Variants in FMN1 observed in about 807,000 individuals in gnomAD.
The protein encoded by FMN1 is formin 1.
A neutral mutation model predicts 132.4 loss-of-function variants in FMN1; 110 were observed. The observed-to-expected ratio is 0.83, with a 90% CI of 0.71 to 0.97. The LOEUF is 0.97. Among genes scored for constraint, FMN1 ranks in the 50% least tolerant of loss-of-function variants. FMN1 has a pLI of 0.00. For synonymous variants in FMN1, 722 were observed against 651.7 expected (o/e 1.11, Z -1.64); for missense variants, 1,792 against 1,705.3 (o/e 1.05, Z -0.90).
At chr15:33,036,422 A>G (rs988102637) in intron 6 of FMN1, among the ~76,000 whole-genome samples, 2 of 152,172 alleles carry the variant, frequency 1.3e-5, no homozygotes, top group Non-Finnish European at 2.9e-5. Context: ...ATCACTGTAT[A>G]TTTAATATTT....
chr15:32,828,948 CTT>C (rs892707236), intron 17 of FMN1, among the ~76,000 whole-genome samples: 1 of 152,168 alleles, frequency 6.6e-6, no homozygotes, highest in African/African-American at 2.4e-5. Context: ...AGGCAAAACT[CTT>C]TATCTGCTGG....
chr15:33,048,967 T>C (rs1391431963), intron 6 of FMN1, among the ~76,000 whole-genome samples: 6 of 152,178 alleles, frequency 3.9e-5, no homozygotes, highest in Non-Finnish European at 2.9e-5. Context: ...TAGTAAAAGA[T>C]TAAAAGAAGT....
intron 7 of FMN1, among the ~76,000 whole-genome samples, chr15:32,988,651 C>T (rs1038006852): frequency 6.6e-6 from 1 of 152,204 alleles, no homozygotes; most frequent in African/African-American, 2.4e-5. Context: ...TTCCTGCCTG[C>T]GTGGTCTTGA....
intron 7 of FMN1, among the ~76,000 whole-genome samples, chr15:32,971,247 T>TTGCTAA (rs1301855317): frequency 2.0e-5 from 3 of 152,254 alleles, no homozygotes; most frequent in Non-Finnish European, 2.9e-5. Flanking sequence ...TTAGTTTCTG[T>TTGCTAA]TGCTAATGCT....
chr15:33,095,162 AC>A (rs2039034706), intron 4 of FMN1, among the ~76,000 whole-genome samples: 1 of 152,128 alleles, frequency 6.6e-6, no homozygotes, highest in Admixed American at 6.5e-5. Context: ...AGCCTGGCCA[AC>A]ATGGCAAAAC....
intron 16 of FMN1, among the ~76,000 whole-genome samples, chr15:32,867,061 T>C (rs903194550): frequency 6.6e-6 from 1 of 152,164 alleles, no homozygotes; most frequent in Admixed American, 6.5e-5. Context: ...GTCTCCCAAG[T>C]TTACACAGCT....
intron 20 of FMN1, 99 bp from the exon 21 acceptor site, chr15:32,774,453 T>G: frequency 1.1e-6 from 1 of 915,530 alleles, no homozygotes; most frequent in Non-Finnish European, 1.7e-6. Flanking sequence ...GTTTCCGGAA[T>G]TGTGCCAAAT....
chr15:32,804,796 T>G (rs2057618650), intron 17 of FMN1, among the ~76,000 whole-genome samples: 1 of 152,078 alleles, frequency 6.6e-6, no homozygotes, highest in African/African-American at 2.4e-5. Flanking sequence ...TTGCTGAGAA[T>G]GATAGTTTCT....
chr15:32,843,392 C>T (rs909774498), intron 17 of FMN1, among the ~76,000 whole-genome samples: 11 of 152,174 alleles, frequency 7.2e-5, no homozygotes, highest in African/African-American at 2.4e-4. Flanking sequence ...TGACTACAAA[C>T]TAGAAACCAA....
chr15:33,070,574 T>C (rs575955443), intron 5 of FMN1, among the ~76,000 whole-genome samples: 4 of 152,234 alleles, frequency 2.6e-5, no homozygotes, highest in African/African-American at 7.2e-5. Context: ...ATCCCCTCAA[T>C]ACTCATAGAT....
intron 10 of FMN1, among the ~76,000 whole-genome samples, chr15:32,923,313 A>G (rs1160517614): frequency 3.3e-5 from 5 of 152,258 alleles, no homozygotes; most frequent in Non-Finnish European, 7.3e-5. Flanking sequence ...ACACAAGGCC[A>G]AGTACATTCC....
chr15:33,170,504 T>G (rs1383925181), intron 3 of FMN1, among the ~76,000 whole-genome samples: 1 of 151,394 alleles, frequency 6.6e-6, no homozygotes, highest in Non-Finnish European at 1.5e-5. Context: ...ACTTTTCATC[T>G]GACAAGAAAC....
At chr15:32,990,818 G>A (rs1454927112) in intron 7 of FMN1, among the ~76,000 whole-genome samples, 2 of 152,148 alleles carry the variant, frequency 1.3e-5, no homozygotes, top group East Asian at 3.9e-4. Flanking sequence ...GCAGGAAGGA[G>A]AAGAATGAGA....
chr15:32,991,875 C>T (rs1173802944), intron 7 of FMN1, among the ~76,000 whole-genome samples: 8 of 152,146 alleles, frequency 5.3e-5, no homozygotes, highest in African/African-American at 2.4e-5. Flanking sequence ...AGAGAACAAC[C>T]TCTTGATCTT....
At chr15:32,783,255 A>T (rs74011966) in intron 19 of FMN1, among the ~76,000 whole-genome samples, 1,814 of 152,356 alleles carry the variant, frequency 0.012, 32 homozygotes, top group African/African-American at 0.041. Context: ...TTCTCAATTG[A>T]TAAACGTCTC....
At chr15:33,009,889 T>G (rs193170238) in intron 6 of FMN1, among the ~76,000 whole-genome samples, 89 of 151,012 alleles carry the variant, frequency 5.9e-4, no homozygotes, top group Non-Finnish European at 1.0e-3. Context: ...GGAATCTTTT[T>G]TTTGTTTGTT....
At chr15:33,057,052 C>G (rs918273076) in intron 6 of FMN1, among the ~76,000 whole-genome samples, 9 of 152,088 alleles carry the variant, frequency 5.9e-5, no homozygotes, top group Admixed American at 1.3e-4. Flanking sequence ...GTGGCACACA[C>G]TTGTAATCTC....
rs763337642 is a variant in FMN1, at chr15:33,067,297, C to G, written c.2044-2223G>C. 8.7e-6 allele frequency: 14 copies of G among 1,613,932 alleles called. No homozygotes were observed. The South Asian group carries it at 1.1e-4, about 13-fold the overall frequency. On this transcript the variant is annotated intron_variant, in intron 5 of 20. Transcript: ENST00000616417. ...CTTCTGCACAGAGCTCTGCACCATT[C>G]ATTTCCCCAGTGACAGTATTTTCCC...
At chr15:32,940,889 A>G (rs1478938527) in intron 9 of FMN1, among the ~76,000 whole-genome samples, 1 of 152,162 alleles carries the variant, frequency 6.6e-6, no homozygotes, top group Non-Finnish European at 1.5e-5. Flanking sequence ...TCACAAAACC[A>G]TGAGGTCAGT....
Sources: allele counts gnomAD v4.1 joint callset (sites outside exome capture counted in the v4.1 genomes callset), GRCh38; gene constraint gnomAD v4.1.1; transcripts MANE v1.5; gene names NCBI Gene and HGNC (gene_info 2026-07-23, HGNC 2026-07-21).